The following CCDC93 variants were observed in gnomAD, a reference collection of about 807,000 sequenced individuals.
CCDC93 encodes the protein CCC complex scaffolding subunit CCDC93, also known as coiled-coil domain-containing protein 93.
Under a neutral mutation model 108.2 loss-of-function variants are expected in CCDC93, and 61 were observed. That is an observed-to-expected ratio of 0.56 (90% CI 0.46 to 0.70). The LOEUF (loss-of-function observed/expected upper bound fraction) is 0.70. Ranked by LOEUF, CCDC93 falls within the 30% of genes least tolerant of loss-of-function variation. CCDC93 has a pLI of 0.00. For synonymous variants in CCDC93, 276 were observed against 260.4 expected (o/e 1.06, Z -0.58); for missense variants, 685 against 764.2 (o/e 0.90, Z 1.22).
intron 22 of CCDC93, among the ~76,000 whole-genome samples, chr2:117,932,583 G>A (rs751678888): frequency 6.6e-6 from 1 of 152,174 alleles, no homozygotes; most frequent in African/African-American, 2.4e-5. Context: ...GATGCCTGGT[G>A]CACACCCATG....
chr2:117,942,317 C>A (rs372422224), intron 18 of CCDC93, among the ~76,000 whole-genome samples: 2 of 152,164 alleles, frequency 1.3e-5, no homozygotes, highest in South Asian at 2.1e-4. Flanking sequence ...CCTTAAAAAG[C>A]CCTTCTTTAA....
chr2:118,012,668 A>T (rs1029766649), intron 1 of CCDC93: 11 of 152,240 alleles, frequency 7.2e-5, no homozygotes, highest in Non-Finnish European at 1.6e-4. Context: ...CCTATTGTTC[A>T]CTATCCTGGG....
intron 16 of CCDC93, 45 bp from the exon 17 acceptor site, chr2:117,945,627 G>A (rs1005714378): frequency 2.6e-6 from 4 of 1,534,372 alleles, no homozygotes; most frequent in African/African-American, 2.7e-5. Context: ...GAGCATTCGG[G>A]AATAAGACAG....
At chr2:117,940,882 T>G (rs935512734) in intron 19 of CCDC93, among the ~76,000 whole-genome samples, 4 of 152,154 alleles carry the variant, frequency 2.6e-5, no homozygotes, top group Non-Finnish European at 5.9e-5. Flanking sequence ...GTCACGATGT[T>G]CCGTGTGAAG....
At chr2:118,010,086 C>T (rs1008733886) in intron 1 of CCDC93, among the ~76,000 whole-genome samples, 1 of 147,166 alleles carries the variant, frequency 6.8e-6, no homozygotes, top group Non-Finnish European at 1.5e-5. Context: ...GGACTACAGG[C>T]ACATGCCACC....
At chr2:117,960,263 T>C (rs1445566931) in intron 11 of CCDC93, among the ~76,000 whole-genome samples, 3 of 152,170 alleles carry the variant, frequency 2.0e-5, no homozygotes, top group Non-Finnish European at 4.4e-5. Flanking sequence ...ATACAGTATG[T>C]CTCTATGTTT....
intron 6 of CCDC93, among the ~76,000 whole-genome samples, chr2:117,990,932 T>C (rs1289753391): frequency 6.6e-6 from 1 of 152,098 alleles, no homozygotes; most frequent in Admixed American, 6.5e-5. Context: ...ATTTAGTTTT[T>C]GTTTTTCTCC....
chr2:117,988,273 A>C (rs959334847), intron 6 of CCDC93, among the ~76,000 whole-genome samples: 3 of 152,166 alleles, frequency 2.0e-5, no homozygotes, highest in African/African-American at 7.2e-5. Flanking sequence ...CTGGGTTACA[A>C]GTCAGGTTCA....
chr2:117,947,726 C>T (rs1299359211), intron 15 of CCDC93, among the ~76,000 whole-genome samples: 2 of 143,742 alleles, frequency 1.4e-5, no homozygotes, highest in Non-Finnish European at 3.0e-5. Context: ...TGGAGTCTCG[C>T]TCTGTCACCC....
intron 17 of CCDC93, chr2:117,944,941 T>A (rs1285253077): frequency 2.6e-6 from 1 of 385,886 alleles, no homozygotes; most frequent in African/African-American, 2.1e-5. Flanking sequence ...CTGGTTTAAC[T>A]CAGAAGTGGG....
chr2:118,008,830 G>A, intron 1 of CCDC93, 172 bp from the exon 2 acceptor site: 2 of 586,722 alleles, frequency 3.4e-6, no homozygotes, highest in South Asian at 4.0e-5. Context: ...TGTGGACAGT[G>A]TTGTTGGAGT....
chr2:118,013,919 C>T, intron 1 of CCDC93, 35 bp downstream of exon 1: 1 of 1,545,288 alleles, frequency 6.5e-7, no homozygotes, highest in Non-Finnish European at 8.7e-7. Context: ...TCTTCAGGAA[C>T]CCCGACGTGT....
At chr2:117,970,095 T>C (rs1679714592) in intron 11 of CCDC93, among the ~76,000 whole-genome samples, 1 of 152,094 alleles carries the variant, frequency 6.6e-6, no homozygotes, top group Non-Finnish European at 1.5e-5. Context: ...TGGAGAGCAC[T>C]GACAAAACAA....
intron 12 of CCDC93, among the ~76,000 whole-genome samples, chr2:117,953,315 G>A (rs1679117146): frequency 6.6e-6 from 1 of 152,142 alleles, no homozygotes; most frequent in Non-Finnish European, 1.5e-5. Context: ...CTTCATGACT[G>A]ATAAATAGTT....
In CCDC93 at chr2:117,920,418, T is replaced by G. The variant is rs375077832; in HGVS notation, c.1843-22A>C. ...CCTCCTGGAGGGAAAGCAGAGAGTA[T>G]AGAGAGAGTGGTGACTACATTAGCA... On this transcript the variant is annotated intron_variant, in intron 23 of 23. Transcript: ENST00000376300. 8.2e-6 allele frequency: 13 copies of G among 1,592,610 alleles called. No homozygotes were observed. The African/African-American group carries it at 1.7e-4, about 21-fold the overall frequency.
At chr2:117,975,424 G>A (rs1679912477) in intron 8 of CCDC93, 144 bp from the exon 9 acceptor site, 5 of 631,440 alleles carry the variant, frequency 7.9e-6, no homozygotes, top group African/African-American at 5.5e-5. Flanking sequence ...TACTCCAAAC[G>A]GCTGAACCTC....
chr2:118,008,588 C>A lies in CCDC93; in HGVS notation c.113G>T (p.Gly38Val). 1 of 1,613,576 alleles carries A rather than the reference C, an allele frequency of 6.2e-7. No individual in the cohort carries two copies. The highest frequency in any genetic ancestry group is 1.1e-5 in the South Asian group (1 of 91,054). The change falls in exon 2 of 24, where the codon GGG (glycine) becomes GTG (valine). Residue 38 changes from glycine to valine, a missense_variant. By Grantham distance (109) the Gly-to-Val change is moderately radical. Transcript: ENST00000376300. ...GCCTTTAATTCTTGCCCTGAAATAC[C>A]CAGCTGCAACCAAGAGCTCCAGAAT... ...TEILELLVAA[G>V]YFRARIKGLS...
chr2:117,984,237 C>G (rs1050152085), intron 7 of CCDC93, among the ~76,000 whole-genome samples: 2 of 152,120 alleles, frequency 1.3e-5, no homozygotes, highest in African/African-American at 4.8e-5. Context: ...AAACCTAAAA[C>G]CTTCAGGAAA....
intron 23 of CCDC93, among the ~76,000 whole-genome samples, chr2:117,926,382 A>G (rs1678096675): frequency 6.6e-6 from 1 of 152,172 alleles, no homozygotes; most frequent in South Asian, 2.1e-4. Context: ...CAAGACTAAT[A>G]AAGAAGAAAA....
Sources: allele counts gnomAD v4.1 joint callset (sites outside exome capture counted in the v4.1 genomes callset), GRCh38; gene constraint gnomAD v4.1.1; transcripts MANE v1.5; gene names NCBI Gene and HGNC (gene_info 2026-07-23, HGNC 2026-07-21).